NSUN7: variants seen among roughly 807,000 people sequenced by gnomAD.
NSUN7 encodes the protein protein NSUN7.
NSUN7 carries 39 observed loss-of-function variants against 58.5 expected under a neutral mutation model. The ratio of observed to expected loss-of-function variants is 0.67; its 90% CI spans 0.52 to 0.87. NSUN7 has a LOEUF of 0.87. Among genes scored for constraint, NSUN7 ranks in the 40% least tolerant of loss-of-function variants. The pLI is 0.00. For missense variants in NSUN7, 765 were observed against 844.1 expected, an observed-to-expected ratio of 0.91 and a Z score of 1.16; for synonymous variants, 278 against 303.7, an observed-to-expected ratio of 0.92 and a Z score of 0.88.
chr4:40,760,737 T>C (rs1741414226), intron 3 of NSUN7, among the ~76,000 whole-genome samples: 2 of 151,866 alleles, frequency 1.3e-5, no homozygotes, highest in Admixed American at 1.3e-4. Context: ...GGCACATGCC[T>C]GTAATCCCAG....
At chr4:40,804,305 T>C (rs945639050) in intron 10 of NSUN7, among the ~76,000 whole-genome samples, 1 of 152,046 alleles carries the variant, frequency 6.6e-6, no homozygotes, top group African/African-American at 2.4e-5. Flanking sequence ...CCAGGCGTGG[T>C]GTCAGGCGCC....
intron 7 of NSUN7, among the ~76,000 whole-genome samples, chr4:40,790,063 C>CGTT (rs1560559684): frequency 2.4e-5 from 2 of 84,066 alleles, no homozygotes; most frequent in Admixed American, 1.7e-4. Flanking sequence ...CCCTCCCCCA[C>CGTT]CTTTTTTTTT....
rs921942998 is a variant in NSUN7, at chr4:40,808,900, A to G, written c.2118A>G (p.Thr706=). 6.5e-7 allele frequency: 1 copy of G among 1,539,978 alleles called. No individual in the cohort carries two copies. Among genetic ancestry groups the G allele is most frequent in the Admixed American group, 2.0e-5 (1 of 50,712 alleles). ...AAGAGGAAAAGCCTAAAGATGACAC[A>G]CCTTCCTCCCTACTCAGGCCTCCTC... ...SRKEEKPKDD[T]PSSLLRPPRR... Residue 706 remains threonine (T), a synonymous_variant, in exon 12 of 12, where the codon ACA becomes ACG. Coordinates refer to ENST00000381782, the MANE Select transcript of NSUN7 (RefSeq NM_024677.6).
In NSUN7 at chr4:40,808,949, G is replaced by GT. The variant is rs1744026008; in HGVS notation, c.*16dup. ...TCGGCGATGGCTTTGATTGTCTTGT[G>GT]TTTTTTATAGGGGCCAAAGAGCAGT... On this transcript the variant is annotated 3_prime_UTR_variant, in exon 12 of 12. Coordinates refer to ENST00000381782, the MANE Select transcript of NSUN7 (RefSeq NM_024677.6). 2.0e-6 allele frequency: 3 copies of GT among 1,501,062 alleles called. No homozygotes were observed. Among genetic ancestry groups the GT allele is most frequent in the Non-Finnish European group, 1.8e-6 (2 of 1,127,606 alleles). 93.0% of individuals were successfully genotyped at this position (1,501,062 alleles called of 1,614,324 possible).
intron 7 of NSUN7, among the ~76,000 whole-genome samples, chr4:40,778,661 T>C (rs1037674967): frequency 3.9e-5 from 6 of 152,228 alleles, no homozygotes; most frequent in Non-Finnish European, 7.3e-5. Flanking sequence ...ATTCTTTTGT[T>C]TATAAGCTAC....
intron 4 of NSUN7, among the ~76,000 whole-genome samples, 187 bp downstream of exon 4, chr4:40,761,488 T>C (rs1166919967): frequency 6.6e-6 from 1 of 152,218 alleles, no homozygotes; most frequent in Non-Finnish European, 1.5e-5. Flanking sequence ...TTGAAATCAA[T>C]TTGTTTTTCA....
chr4:40,798,819 T>G lies in NSUN7; in HGVS notation c.1315T>G (p.Cys439Gly). The change falls in exon 10 of 12, where the codon TGT (cysteine) becomes GGT (glycine). Residue 439 changes from cysteine (C) to glycine (G), a missense_variant. Transcript: ENST00000381782. Reference protein sequence around the residue: ...TKAQAVVYCTCSVFPEENEAV... With the variant: ...TKAQAVVYCTGSVFPEENEAV... ...AGCTCAAGCAGTTGTTTACTGCACA[T>G]GTTCAGTTTTTCCAGAAGAAAATGA... is the stretch of plus-strand genomic sequence containing the variant. The G allele has an allele frequency of 6.2e-7, 1 of 1,611,992 alleles. No homozygotes were observed. Among genetic ancestry groups the G allele is most frequent in the South Asian group, 1.1e-5 (1 of 90,810 alleles).
intron 7 of NSUN7, among the ~76,000 whole-genome samples, chr4:40,779,516 A>G (rs1317349595): frequency 6.6e-6 from 1 of 152,166 alleles, no homozygotes; most frequent in South Asian, 2.1e-4. Flanking sequence ...AGGCAGGAGA[A>G]TGGCATGAAC....
chr4:40,750,506 A>T (rs1221099178), intron 1 of NSUN7, 97 bp from the exon 2 acceptor site: 1 of 602,320 alleles, frequency 1.7e-6, no homozygotes, highest in East Asian at 2.9e-5. Context: ...GGGACGGGAA[A>T]TGCTCCCTCT....
At chr4:40,806,841 G>T (rs1261016268) in intron 10 of NSUN7, among the ~76,000 whole-genome samples, 1 of 152,158 alleles carries the variant, frequency 6.6e-6, no homozygotes, top group Non-Finnish European at 1.5e-5. Flanking sequence ...TAAAGATGGA[G>T]AATCTGGGAT....
At chr4:40,790,787 T>C (rs2154288617) in intron 8 of NSUN7, 42 bp downstream of exon 8, 3 of 1,397,836 alleles carry the variant, frequency 2.1e-6, no homozygotes, top group Non-Finnish European at 2.0e-6. Context: ...TAGTTGACAG[T>C]TTAAAATATA....
chr4:40,761,665 A>G (rs1455917010), intron 4 of NSUN7, among the ~76,000 whole-genome samples: 1 of 152,224 alleles, frequency 6.6e-6, no homozygotes, highest in Non-Finnish European at 1.5e-5. Context: ...GAATCAAATG[A>G]GAAAATTCCA....
At chr4:40,770,210 C>CAAAAA (rs36059628) in intron 4 of NSUN7, among the ~76,000 whole-genome samples, 4 of 94,746 alleles carry the variant, frequency 4.2e-5, no homozygotes, top group Admixed American at 1.2e-4. Context: ...AACTCCATCT[C>CAAAAA]AAAAAAAAAA....
chr4:40,789,944 A>G (rs1466302122), intron 7 of NSUN7, among the ~76,000 whole-genome samples: 1 of 152,126 alleles, frequency 6.6e-6, no homozygotes, highest in Non-Finnish European at 1.5e-5. Context: ...AAGGGAAGGC[A>G]GACTCTCTTA....
Position 40,753,684 on chromosome 4 carries a change from TATA to T in NSUN7, c.298+2700_298+2702del, listed in dbSNP as rs1200694905. Among the ~76,000 whole-genome samples, 7 of 152,358 alleles carry T rather than the reference TATA, an allele frequency of 4.6e-5. No homozygotes were observed. In the South Asian group the frequency reaches 8.3e-4, roughly 18 times the overall value. ...TTTACTTGTTAAATATATTTTTTCT[TATA>T]ATAATACGTTGATATGGTTTGGCTG... On this transcript the variant is annotated intron_variant, in intron 2 of 11. Coordinates refer to ENST00000381782, the MANE Select transcript of NSUN7 (RefSeq NM_024677.6).
At chr4:40,766,262 A>G (rs1466629439) in intron 4 of NSUN7, among the ~76,000 whole-genome samples, 4 of 134,270 alleles carry the variant, frequency 3.0e-5, no homozygotes, top group Non-Finnish European at 6.4e-5. Flanking sequence ...TCCCATCAAT[A>G]CCTAATTTAT....
intron 2 of NSUN7, among the ~76,000 whole-genome samples, chr4:40,756,350 T>C (rs1449865430): frequency 6.6e-6 from 1 of 152,160 alleles, no homozygotes; most frequent in African/African-American, 2.4e-5. Context: ...GCCCTCCACA[T>C]GGAAACATGT....
At chr4:40,805,293 A>G (rs1032420830) in intron 10 of NSUN7, among the ~76,000 whole-genome samples, 3 of 152,174 alleles carry the variant, frequency 2.0e-5, no homozygotes, top group Admixed American at 6.5e-5. Context: ...CTCTGGGAAC[A>G]GTTTACTTCC....
chr4:40,773,400 C>T (rs956468365), intron 4 of NSUN7, among the ~76,000 whole-genome samples: 7 of 152,110 alleles, frequency 4.6e-5, no homozygotes, highest in East Asian at 3.8e-4. Context: ...GTTTGTCTTT[C>T]GGCTGGGTGC....
Sources: allele counts gnomAD v4.1 joint callset (sites outside exome capture counted in the v4.1 genomes callset), GRCh38; gene constraint gnomAD v4.1.1; transcripts MANE v1.5; gene names NCBI Gene and HGNC (gene_info 2026-07-23, HGNC 2026-07-21).